Variants in N4BP1 observed in about 807,000 individuals in gnomAD.
N4BP1 encodes NEDD4-binding protein 1.
N4BP1 carries 21 observed loss-of-function variants against 70.9 expected under a neutral mutation model. That is an observed-to-expected ratio of 0.30 (90% CI 0.21 to 0.43). N4BP1 has a LOEUF of 0.43. Among genes scored for constraint, N4BP1 ranks in the 20% least tolerant of loss-of-function variants. The pLI is 1.00. For synonymous variants in N4BP1, 387 were observed against 394.6 expected (o/e 0.98, Z 0.23); for missense variants, 936 against 1,069.4 (o/e 0.88, Z 1.74).
intron 1 of N4BP1, among the ~76,000 whole-genome samples, chr16:48,582,644 T>G (rs1427170090): frequency 1.3e-5 from 2 of 152,212 alleles, no homozygotes; most frequent in Non-Finnish European, 2.9e-5. Flanking sequence ...GTTAATCCTT[T>G]ATTGTGCCTA....
intron 1 of N4BP1, among the ~76,000 whole-genome samples, chr16:48,608,827 A>G (rs1964627664): frequency 6.6e-6 from 1 of 151,936 alleles, no homozygotes; most frequent in Non-Finnish European, 1.5e-5. Context: ...TAAGGGCTGC[A>G]CATTCCTTCT....
chr16:48,609,738 G>A (rs1964649205), intron 1 of N4BP1, 37 bp downstream of exon 1: 12 of 1,311,114 alleles, frequency 9.2e-6, no homozygotes, highest in Non-Finnish European at 1.2e-5. Flanking sequence ...CGGACCGATC[G>A]AGGCCGCGGG....
chr16:48,575,382 G>A (rs1964078048), intron 1 of N4BP1, among the ~76,000 whole-genome samples: 2 of 152,150 alleles, frequency 1.3e-5, no homozygotes, highest in Admixed American at 6.5e-5. Context: ...AGGGGGAGGG[G>A]CATGATATAC....
At position 48,561,791 on chromosome 16, in the gene N4BP1, T is replaced by G; in HGVS notation, c.852A>C (p.Lys284Asn). 6.2e-7 allele frequency: 1 copy of G among 1,613,392 alleles called. No homozygotes were observed. The highest frequency in any genetic ancestry group is 8.5e-7 in the Non-Finnish European group (1 of 1,179,854). The change falls in exon 2 of 7, where the codon AAA becomes AAC. Residue 284 changes from lysine to asparagine, a missense_variant. Physicochemically the swap from Lys to Asn is moderately conservative, Grantham distance 94 (BLOSUM62 0). Around this residue, in one of 4 missense-constraint regions of N4BP1, gnomAD observed 515 missense variants for 491.7 expected, o/e 1.05. Transcript: ENST00000262384. ...EALSNERICQ[K>N]RRFSDSEERH... is the part of the protein sequence containing the mutation. ...TTTCTTCAGAATCAGAAAATCTCCT[T>G]TTCTGACAAATTCTCTCATTGGAAA...
intron 1 of N4BP1, among the ~76,000 whole-genome samples, chr16:48,607,916 T>G (rs985475631): frequency 6.6e-6 from 1 of 152,138 alleles, no homozygotes; most frequent in Non-Finnish European, 1.5e-5. Context: ...CAGGCTGGAG[T>G]GCAGTGGCGC....
chr16:48,606,409 C>T (rs1357904623), intron 1 of N4BP1, among the ~76,000 whole-genome samples: 1 of 152,214 alleles, frequency 6.6e-6, no homozygotes, highest in Non-Finnish European at 1.5e-5. Context: ...CTTAGCCTGG[C>T]ATTTTGGTAC....
rs958017324 is a variant in N4BP1 at position 48,542,831 on chromosome 16, C to T, written c.*73G>A. On this transcript the variant is annotated 3_prime_UTR_variant, in exon 7 of 7. Coordinates refer to ENST00000262384, the MANE Select transcript of N4BP1 (RefSeq NM_153029.4). ...TAAGTTTCTTCACATTATGTTCATT[C>T]CCATCAGGTACAGGTGTGAGCTTGA... is the stretch of plus-strand genomic sequence containing the variant. 5 of 1,263,484 alleles carry T rather than the reference C, an allele frequency of 4.0e-6. No homozygotes were observed. The highest frequency in any genetic ancestry group is 4.4e-6 in the Non-Finnish European group (4 of 911,480). 78.3% of individuals were successfully genotyped at this position (1,263,484 alleles called of 1,614,324 possible).
intron 1 of N4BP1, among the ~76,000 whole-genome samples, chr16:48,597,857 C>T (rs747973026): frequency 7.2e-5 from 11 of 152,266 alleles, no homozygotes; most frequent in East Asian, 5.8e-4. Flanking sequence ...AAACCTATGA[C>T]GGCTGCATGC....
chr16:48,585,938 C>A (rs565807916), intron 1 of N4BP1, among the ~76,000 whole-genome samples: 6 of 152,030 alleles, frequency 3.9e-5, no homozygotes, highest in Admixed American at 6.6e-5. Context: ...TCAAGTGATC[C>A]GCCCGCCTCG....
intron 1 of N4BP1, among the ~76,000 whole-genome samples, chr16:48,574,542 C>T (rs1037675493): frequency 3.9e-5 from 6 of 152,076 alleles, no homozygotes; most frequent in East Asian, 1.9e-4. Context: ...CAAAATAAAA[C>T]GTAAAATTAA....
chr16:48,605,587 A>G (rs1008829129), intron 1 of N4BP1, among the ~76,000 whole-genome samples: 5 of 152,142 alleles, frequency 3.3e-5, no homozygotes, highest in Admixed American at 2.0e-4. Flanking sequence ...ATGCCCTCTT[A>G]TAAGGACTTC....
At chr16:48,570,170 G>C (rs1963995734) in intron 1 of N4BP1, among the ~76,000 whole-genome samples, 1 of 151,796 alleles carries the variant, frequency 6.6e-6, no homozygotes, top group South Asian at 2.1e-4. Flanking sequence ...AAAGGGGTGG[G>C]GGTGGGCTCA....
intron 1 of N4BP1, among the ~76,000 whole-genome samples, chr16:48,565,816 T>G (rs1043718000): frequency 6.6e-6 from 1 of 152,254 alleles, no homozygotes; most frequent in African/African-American, 2.4e-5. Context: ...TAGACAATTT[T>G]GAATAGCCTT....
intron 1 of N4BP1, among the ~76,000 whole-genome samples, chr16:48,586,694 T>C (rs982550991): frequency 8.5e-5 from 13 of 152,178 alleles, no homozygotes; most frequent in Non-Finnish European, 1.9e-4. Flanking sequence ...TTCCTAAAGG[T>C]CCCTGGGAAA....
At chr16:48,584,361 T>G (rs1036415943) in intron 1 of N4BP1, among the ~76,000 whole-genome samples, 2 of 152,204 alleles carry the variant, frequency 1.3e-5, no homozygotes, top group African/African-American at 2.4e-5. Flanking sequence ...TACCTGTGAT[T>G]CAGACTGTTG....
chr16:48,584,262 G>A (rs182190021), intron 1 of N4BP1, among the ~76,000 whole-genome samples: 2 of 152,296 alleles, frequency 1.3e-5, no homozygotes, highest in African/African-American at 4.8e-5. Context: ...TCTTTTCTGT[G>A]TTGTTGTTAG....
In N4BP1 at chr16:48,561,187, C is replaced by A. The variant is rs749476691; in HGVS notation, c.1456G>T (p.Asp486Tyr). ...GSNQNYICNT[D>Y]PETDGLSPSV... ...GGTGAAAGGCCATCAGTTTCAGGGT[C>A]TGTGTTACAAATGTAGTTCTGGTTT... is the stretch of plus-strand genomic sequence containing the variant. The change falls in exon 2 of 7, where the codon GAC becomes TAC. Residue 486 changes from aspartate (D) to tyrosine (Y), a missense_variant. Asp to Tyr is a radical substitution (Grantham distance 160). Transcript: ENST00000262384. The A allele has an allele frequency of 9.9e-6, 16 of 1,613,972 alleles. No homozygotes were observed. Among genetic ancestry groups the A allele is most frequent in the Non-Finnish European group, 1.3e-5 (15 of 1,179,886 alleles).
At chr16:48,583,647 T>A (rs1053084594) in intron 1 of N4BP1, among the ~76,000 whole-genome samples, 2 of 152,222 alleles carry the variant, frequency 1.3e-5, no homozygotes, top group East Asian at 1.9e-4. Context: ...CATGGATACA[T>A]AATAAATACA....
intron 1 of N4BP1, among the ~76,000 whole-genome samples, chr16:48,598,835 T>C (rs1256146822): frequency 6.6e-6 from 1 of 152,098 alleles, no homozygotes; most frequent in Non-Finnish European, 1.5e-5. Flanking sequence ...AGGAGTCCTA[T>C]GATCCATTGG....
Sources: gnomAD v4.1 joint callset for allele counts (sites outside exome capture counted in the v4.1 genomes callset) on GRCh38, gnomAD v4.1.1 for gene constraint, gnomAD v4.1.1 regional missense constraint, MANE v1.5 for transcripts, NCBI Gene and HGNC (gene_info 2026-07-23, HGNC 2026-07-21) for gene names.